FAM222B: variants seen among roughly 807,000 people sequenced by gnomAD.
The protein encoded by FAM222B is protein FAM222B.
Under a neutral mutation model 38.0 loss-of-function variants are expected in FAM222B, and 12 were observed. The ratio of observed to expected loss-of-function variants is 0.32; its 90% CI spans 0.20 to 0.51. The LOEUF is 0.51. FAM222B is among the 20% of genes least tolerant of loss of function. The pLI is 0.97. For missense variants in FAM222B, 716 were observed against 754.2 expected, an observed-to-expected ratio of 0.95 and a Z score of 0.59; for synonymous variants, 329 against 317.2, an observed-to-expected ratio of 1.04 and a Z score of -0.40.
chr17:28,795,939 T>C (rs1312258511), intron 1 of FAM222B, among the ~76,000 whole-genome samples: 3 of 152,198 alleles, frequency 2.0e-5, no homozygotes, highest in African/African-American at 4.8e-5. Context: ...TAAAAAGCCA[T>C]TAAGACTGCT....
intron 1 of FAM222B, among the ~76,000 whole-genome samples, chr17:28,789,527 C>T (rs1276279854): frequency 1.3e-5 from 2 of 152,130 alleles, no homozygotes; most frequent in Non-Finnish European, 2.9e-5. Context: ...TCTTTGGGAC[C>T]TCCCTTACCA....
intron 1 of FAM222B, among the ~76,000 whole-genome samples, chr17:28,775,934 G>A (rs1208005806): frequency 1.3e-5 from 2 of 151,624 alleles, no homozygotes; most frequent in African/African-American, 4.8e-5. Context: ...AAAAGAGCCG[G>A]GCATGGTGGT....
At chr17:28,824,287 C>A (rs1342745195) in intron 1 of FAM222B, among the ~76,000 whole-genome samples, 2 of 151,878 alleles carry the variant, frequency 1.3e-5, no homozygotes, top group Non-Finnish European at 2.9e-5. Flanking sequence ...TGGGCTCAAG[C>A]CATCCTCCCA....
At chr17:28,804,451 C>A (rs1216811432) in intron 1 of FAM222B, among the ~76,000 whole-genome samples, 1 of 152,094 alleles carries the variant, frequency 6.6e-6, no homozygotes, top group Non-Finnish European at 1.5e-5. Flanking sequence ...TCTCCTGCCT[C>A]AGCCTCCCGA....
At chr17:28,825,397 G>A (rs1395071723) in intron 1 of FAM222B, among the ~76,000 whole-genome samples, 2 of 137,604 alleles carry the variant, frequency 1.5e-5, no homozygotes, top group Non-Finnish European at 3.0e-5. Flanking sequence ...TTGCACCACT[G>A]CACTCCAACC....
In FAM222B at chr17:28,824,300, T is replaced by A. The variant is rs370475821; in HGVS notation, c.-41+18382A>T. Among the ~76,000 whole-genome samples, 63 of 151,622 alleles carry A rather than the reference T, an allele frequency of 4.2e-4. No homozygotes were observed. The South Asian group carries it at 0.013, about 30-fold the overall frequency. ...CCTGGGCTCAAGCCATCCTCCCACC[T>A]CAGCCCCTCAAGTAGTTGGGACCAC... On this transcript the variant is annotated intron_variant, in intron 1 of 2. Transcript: ENST00000581407.
intron 1 of FAM222B, among the ~76,000 whole-genome samples, chr17:28,783,535 C>A (rs1468222860): frequency 7.0e-6 from 1 of 143,646 alleles, no homozygotes; most frequent in African/African-American, 2.6e-5. Context: ...TTTTTTTAAA[C>A]AAAGTCTCGC....
intron 1 of FAM222B, among the ~76,000 whole-genome samples, chr17:28,814,955 G>C (rs1461672660): frequency 6.8e-6 from 1 of 147,910 alleles, no homozygotes; most frequent in Non-Finnish European, 1.5e-5. Context: ...TGTATTTTTA[G>C]TAGAAACGGG....
At position 28,830,216 on chromosome 17, in the gene FAM222B, C is replaced by T. The variant is rs1018576791; in HGVS notation, c.-41+12466G>A. Among the ~76,000 whole-genome samples, 3 of 142,646 alleles carry T rather than the reference C, an allele frequency of 2.1e-5. No individual in the cohort carries two copies. The Admixed American group carries it at 2.3e-4, about 11-fold the overall frequency. 93.6% of individuals were successfully genotyped at this position (142,646 alleles called of 152,430 possible). ...TCACTCTGTTGCCCAGGCTGGAGTGCAGTGGCGCGATCTTGGCTCACCACA... is the reference window on the plus strand; with the variant it reads ...TCACTCTGTTGCCCAGGCTGGAGTGTAGTGGCGCGATCTTGGCTCACCACA... On this transcript the variant is annotated intron_variant, in intron 1 of 2. Transcript: ENST00000581407.
chr17:28,843,449 T>TC (rs1385842561), upstream of FAM222B, among the ~76,000 whole-genome samples: 2 of 144,216 alleles, frequency 1.4e-5, no homozygotes, highest in African/African-American at 2.6e-5. Context: ...GGTCTTTTTT[T>TC]TTTTTTTTTT....
chr17:28,851,946 G>A (rs2039184916), intron 1 of FAM222B, among the ~76,000 whole-genome samples: 1 of 151,892 alleles, frequency 6.6e-6, no homozygotes, highest in Admixed American at 6.6e-5. Flanking sequence ...CAGCTACCTG[G>A]GAGGCTAAAA....
In FAM222B at chr17:28,759,776, G is replaced by A; in HGVS notation, c.183C>T (p.Ile61=). Residue 61 remains isoleucine, a synonymous_variant, in exon 3 of 3, where the codon ATC becomes ATT. Coordinates refer to ENST00000581407, the MANE Select transcript of FAM222B (RefSeq NM_001077498.3). The surrounding 1 kb of genome is among the most constrained non-coding windows in gnomAD (Gnocchi z 4.8). ...GGGGAACCTTCACACTGTTGGGGAA[G>A]ATTTTTATAGTCAGTGGGTTGTTTG... is the stretch of plus-strand genomic sequence containing the variant. The part of the protein sequence containing the change: ...KVANNPLTIK[I]FPNSVKVPQR... 2 of 1,613,170 alleles carry A rather than the reference G, an allele frequency of 1.2e-6. No individual in the cohort carries two copies. Among genetic ancestry groups the A allele is most frequent in the Non-Finnish European group, 1.7e-6 (2 of 1,179,560 alleles).
At chr17:28,843,386 C>A (rs529967089), upstream of FAM222B, among the ~76,000 whole-genome samples, 3 of 150,614 alleles carry the variant, frequency 2.0e-5, no homozygotes, top group South Asian at 6.3e-4. Flanking sequence ...ATCCACCCAC[C>A]TCAGCCTTCT....
chr17:28,835,314 T>C (rs2038805535), intron 1 of FAM222B, among the ~76,000 whole-genome samples: 1 of 151,864 alleles, frequency 6.6e-6, no homozygotes, highest in African/African-American at 2.4e-5. Flanking sequence ...GGATTACAGG[T>C]GTAAGCCACT....
Position 28,759,641 on chromosome 17 carries a change from T to C in FAM222B, c.318A>G (p.Lys106=), listed in dbSNP as rs557183977. 131 of 1,613,188 alleles carry C rather than the reference T, an allele frequency of 8.1e-5. 2 individuals are homozygous for C. Among genetic ancestry groups the C allele is most frequent in the South Asian group, 6.7e-4 (61 of 90,878 alleles). Reference sequence around the variant, plus strand: ...CCTTGAGTATGCTTTTGGCTGGCACTTTGACAATGGCAAGCAGGCCTGCCT... The same window carrying C: ...CCTTGAGTATGCTTTTGGCTGGCACCTTGACAATGGCAAGCAGGCCTGCCT... The part of the protein sequence containing the change: ...ATKAGLLAIV[K]VPAKSILKDF... The change falls in exon 3 of 3, where the codon AAA becomes AAG. Residue 106 remains lysine, a synonymous_variant. Transcript: ENST00000581407. This position sits in a 1 kb window ranked among gnomAD's most constrained non-coding sequence, Gnocchi z 4.8.
intron 2 of FAM222B, among the ~76,000 whole-genome samples, chr17:28,761,604 A>G (rs1332515496): frequency 6.6e-6 from 1 of 152,234 alleles, no homozygotes; most frequent in Non-Finnish European, 1.5e-5. Flanking sequence ...AAATGGGTAC[A>G]GCTCTCTTTG....
At chr17:28,818,352 C>A (rs1434751377) in intron 1 of FAM222B, among the ~76,000 whole-genome samples, 1 of 151,868 alleles carries the variant, frequency 6.6e-6, no homozygotes, top group Non-Finnish European at 1.5e-5. Flanking sequence ...CACGGTGAAA[C>A]CCTGTCTCTG....
At chr17:28,819,342 A>G (rs1443188646) in intron 1 of FAM222B, among the ~76,000 whole-genome samples, 2 of 152,180 alleles carry the variant, frequency 1.3e-5, no homozygotes, top group Non-Finnish European at 2.9e-5. Flanking sequence ...AAATAACCAA[A>G]GGGGAAAATA....
Position 28,758,773 on chromosome 17 carries a change from G to C in FAM222B, c.1186C>G (p.Arg396Gly). 6.4e-7 allele frequency: 1 copy of C among 1,572,924 alleles called. No individual in the cohort carries two copies. The highest frequency in any genetic ancestry group is 8.6e-7 in the Non-Finnish European group (1 of 1,157,714). The change falls in exon 3 of 3, where the codon CGC (arginine) becomes GGC (glycine). Residue 396 changes from arginine to glycine, a missense_variant. By Grantham distance (125) the Arg-to-Gly change is moderately radical. Transcript: ENST00000581407. ...ACAAAGCCAGGCCCTGCCAACTCGCGTCCTGCCGCATGCTTGCCTGTCAGG... is the reference window on the plus strand; with the variant it reads ...ACAAAGCCAGGCCCTGCCAACTCGCCTCCTGCCGCATGCTTGCCTGTCAGG... ...PGLTGKHAAG[R>G]ELAGPGFVGK...
Sources: gnomAD v4.1 joint callset for allele counts (sites outside exome capture counted in the v4.1 genomes callset) on GRCh38, gnomAD v4.1.1 for gene constraint, Gnocchi (gnomAD v3.1) non-coding constraint, MANE v1.5 for transcripts, NCBI Gene and HGNC (gene_info 2026-07-23, HGNC 2026-07-21) for gene names.